TRIM26: variants seen among roughly 807,000 people sequenced by gnomAD.
TRIM26 encodes the protein tripartite motif-containing protein 26.
A neutral mutation model predicts 45.5 loss-of-function variants in TRIM26; 16 were observed. The ratio of observed to expected loss-of-function variants is 0.35; its 90% confidence interval spans 0.24 to 0.53. The LOEUF (loss-of-function observed/expected upper bound fraction) is 0.53, where lower values mean the gene tolerates loss of function less well. TRIM26 is among the 20% of genes least tolerant of loss of function. The pLI, the probability that TRIM26 is intolerant of heterozygous loss-of-function variation, is 0.92. For synonymous variants in TRIM26, 273 were observed against 290.4 expected (o/e 0.94, Z 0.61); for missense variants, 442 against 691.1 (o/e 0.64, Z 4.04).
At chr6:30,193,501 T>C (rs1179666371) in intron 6 of TRIM26, among the ~76,000 whole-genome samples, 1 of 151,870 alleles carries the variant, frequency 6.6e-6, no homozygotes, top group Non-Finnish European at 1.5e-5. Context: ...TGAAGTAAGA[T>C]AGTGTGAGGC....
Position 30,189,129 on chromosome 6 carries a change from T to A in TRIM26, c.937+38A>T, listed in dbSNP as rs1032268510. 6.3e-7 allele frequency: 1 copy of A among 1,599,002 alleles called. No homozygotes were observed. The highest frequency in any genetic ancestry group is 1.4e-5 in the African/African-American group (1 of 73,958). On this transcript the variant is annotated intron_variant, in intron 9 of 9. Coordinates refer to ENST00000454678, the MANE Select transcript of TRIM26 (RefSeq NM_003449.5). This position sits in a 1 kb window ranked among gnomAD's most constrained non-coding sequence, Gnocchi z 5.0. ...ATCTCTGCAGGCGGAGTTTTCTATATTTGATGTACATCTGGGAAACACCCT... is the reference window on the plus strand; with the variant it reads ...ATCTCTGCAGGCGGAGTTTTCTATAATTGATGTACATCTGGGAAACACCCT...
At position 30,199,249 on chromosome 6, in the gene TRIM26, C is replaced by A; in HGVS notation, c.-146G>T. On this transcript the variant is annotated 5_prime_UTR_variant, in exon 4 of 10. Transcript: ENST00000454678. ...CCAGCTCCAGCACTCAGTCAATCGA[C>A]AGACACCACCAGCTCCTACAAGGTT... The A allele has an allele frequency of 1.6e-6, 1 of 640,754 alleles. No homozygotes were observed. Among genetic ancestry groups the A allele is most frequent in the Non-Finnish European group, 2.6e-6 (1 of 387,968 alleles). 39.7% of individuals were successfully genotyped at this position (640,754 alleles called of 1,614,324 possible).
Position 30,198,703 on chromosome 6 carries a change from G to A in TRIM26, c.401C>T (p.Thr134Met), listed in dbSNP as rs754923872. The change falls in exon 4 of 10, where the codon ACG (threonine) becomes ATG (methionine). Residue 134 changes from threonine (T) to methionine (M), a missense_variant. Physicochemically the swap from Thr to Met is moderately conservative, Grantham distance 81. Transcript: ENST00000454678. This position sits in a 1 kb window ranked among gnomAD's most constrained non-coding sequence, Gnocchi z 6.3. ...GGCGGCCTTCTCCATGAGGACGGCC[G>A]TGTGGGGCCTGTGCTCCCGGGACTC... ...CRESREHRPH[T>M]AVLMEKAAQP... The A allele has an allele frequency of 2.3e-5, 37 of 1,605,100 alleles. No homozygotes were observed. Among genetic ancestry groups the A allele is most frequent in the South Asian group, 1.2e-4 (11 of 91,056 alleles).
intron 1 of TRIM26, among the ~76,000 whole-genome samples, chr6:30,206,148 G>C (rs1324439744): frequency 2.0e-5 from 3 of 152,178 alleles, no homozygotes; most frequent in Non-Finnish European, 4.4e-5. Flanking sequence ...ACTCTCCATG[G>C]GGTAAACTTC....
chr6:30,189,327 T>C lies in TRIM26; in HGVS notation c.904+91A>G, dbSNP rs1018664022. ...CAAGAGGCCCTCAGAAGAGTGAGGA[T>C]CGACAAGGTGATGGAAAGGAGCTGG... On this transcript the variant is annotated intron_variant, in intron 8 of 9. Transcript: ENST00000454678. The surrounding 1 kb of genome is among the most constrained non-coding windows in gnomAD (Gnocchi z 5.0). The C allele has an allele frequency of 6.4e-7, 1 of 1,568,034 alleles. No homozygotes were observed. The highest frequency in any genetic ancestry group is 8.8e-7 in the Non-Finnish European group (1 of 1,139,482).
chr6:30,186,208 C>T lies in TRIM26; in HGVS notation c.1288G>A (p.Glu430Lys). 6.3e-7 allele frequency: 1 copy of T among 1,596,460 alleles called. No homozygotes were observed. Among genetic ancestry groups the T allele is most frequent in the Non-Finnish European group, 8.5e-7 (1 of 1,171,048 alleles). Reference protein sequence around the residue: ...GDEEEEEEEEEEEVLESCMVG... With the variant: ...GDEEEEEEEEKEEVLESCMVG... ...ATGCAGCTTTCCAGAACTTCCTCCT[C>T]TTCCTCCTCCTCTTCTTCCTCTTCA... Residue 430 changes from glutamate (E) to lysine (K), a missense_variant, in exon 10 of 10, where the codon GAG (glutamate) becomes AAG (lysine). Coordinates refer to ENST00000454678, the MANE Select transcript of TRIM26 (RefSeq NM_003449.5). This position sits in a 1 kb window ranked among gnomAD's most constrained non-coding sequence, Gnocchi z 7.4.
At chr6:30,197,440 C>A (rs1380965373) in intron 5 of TRIM26, among the ~76,000 whole-genome samples, 1 of 152,176 alleles carries the variant, frequency 6.6e-6, no homozygotes, top group Non-Finnish European at 1.5e-5. Context: ...TAATGACTCA[C>A]CACTGGCCCT....
intron 3 of TRIM26, among the ~76,000 whole-genome samples, chr6:30,199,972 T>C (rs1464218299): frequency 6.6e-6 from 1 of 151,924 alleles, no homozygotes; most frequent in Non-Finnish European, 1.5e-5. Flanking sequence ...AGGTTTCAGG[T>C]TTCAAGAACT....
rs1234646269 is a variant in TRIM26, at chr6:30,189,758, C to G, written c.789-225G>C. On this transcript the variant is annotated intron_variant, in intron 7 of 9. Transcript: ENST00000454678. The surrounding 1 kb of genome is among the most constrained non-coding windows in gnomAD (Gnocchi z 5.0). ...TCTGTCTACTAAGCCATGTTTCTAA[C>G]CTCTCTGCTCTGTCCCACCTCAAAT... The G allele has an allele frequency of 6.3e-6, 4 of 632,110 alleles. No individual in the cohort carries two copies. Among genetic ancestry groups the G allele is most frequent in the African/African-American group, 1.8e-5 (1 of 54,432 alleles). 39.2% of individuals were successfully genotyped at this position (632,110 alleles called of 1,614,324 possible).
chr6:30,210,876 T>A (rs1778221270), intron 1 of TRIM26, among the ~76,000 whole-genome samples: 1 of 152,240 alleles, frequency 6.6e-6, no homozygotes, highest in African/African-American at 2.4e-5. Flanking sequence ...CTAAAACTTA[T>A]GAATTGTTTA....
chr6:30,205,289 T>C (rs935712658), intron 1 of TRIM26, among the ~76,000 whole-genome samples: 3 of 152,064 alleles, frequency 2.0e-5, no homozygotes, highest in African/African-American at 7.2e-5. Flanking sequence ...TGCAATTCTA[T>C]AGAACCAGGA....
chr6:30,196,804 G>A lies in TRIM26; in HGVS notation c.535-58C>T, dbSNP rs1776525207. 26 of 1,564,996 alleles carry A rather than the reference G, an allele frequency of 1.7e-5. No homozygotes were observed. The highest frequency in any genetic ancestry group is 2.3e-5 in the East Asian group (1 of 44,298). On this transcript the variant is annotated intron_variant, in intron 5 of 9. Transcript: ENST00000454678. This position sits in a 1 kb window ranked among gnomAD's most constrained non-coding sequence, Gnocchi z 4.9. ...ACCTCTGCTCAGGGTGGAGGGCCCA[G>A]TGCTGGAGGTGTGCAAGGCTGGCTC...
At position 30,199,162 on chromosome 6, in the gene TRIM26, C is replaced by T. The variant is rs1044288611; in HGVS notation, c.-59G>A. On this transcript the variant is annotated 5_prime_UTR_variant, in exon 4 of 10. Coordinates refer to ENST00000454678, the MANE Select transcript of TRIM26 (RefSeq NM_003449.5). ...GGTGAGGACTTCTTCTCCTTGGAGACGCGACATAGAGTCAGGAGCAAGCAC... is the reference window on the plus strand; with the variant it reads ...GGTGAGGACTTCTTCTCCTTGGAGATGCGACATAGAGTCAGGAGCAAGCAC... 39 of 1,492,518 alleles carry T rather than the reference C, an allele frequency of 2.6e-5. No homozygotes were observed. The highest frequency in any genetic ancestry group is 1.6e-4 in the Admixed American group (7 of 44,112). The allele number at this position is 1,492,518 out of a possible 1,614,324, so 92.5% of individuals were successfully genotyped here.
At chr6:30,212,450 A>G (rs1778379473) in intron 1 of TRIM26, among the ~76,000 whole-genome samples, 1 of 152,246 alleles carries the variant, frequency 6.6e-6, no homozygotes, top group Non-Finnish European at 1.5e-5. Flanking sequence ...CACTGAGGTA[A>G]GATGTTAATA....
intron 2 of TRIM26, among the ~76,000 whole-genome samples, chr6:30,202,079 T>C (rs1382150406): frequency 1.3e-5 from 2 of 152,206 alleles, no homozygotes; most frequent in South Asian, 2.1e-4. Context: ...TGTTGAAGGA[T>C]AGCCTGTGTT....
chr6:30,205,004 G>A (rs1467947591), intron 1 of TRIM26, among the ~76,000 whole-genome samples: 1 of 152,132 alleles, frequency 6.6e-6, no homozygotes, highest in Non-Finnish European at 1.5e-5. Context: ...CACTCTGGGA[G>A]GCAGAGGCGG....
Position 30,189,403 on chromosome 6 carries a change from C to T in TRIM26, c.904+15G>A, listed in dbSNP as rs1458168407. On this transcript the variant is annotated intron_variant, in intron 8 of 9. Coordinates refer to ENST00000454678, the MANE Select transcript of TRIM26 (RefSeq NM_003449.5). The surrounding 1 kb of genome is among the most constrained non-coding windows in gnomAD (Gnocchi z 5.0). ...TGCTCTGACTCCCACCCTTTGTGCG[C>T]TCCCCAACCCTTACCCTGGAATTCC... The T allele has an allele frequency of 2.5e-6, 4 of 1,612,102 alleles. No homozygotes were observed. The highest frequency in any genetic ancestry group is 3.4e-6 in the Non-Finnish European group (4 of 1,179,212).
Position 30,184,525 on chromosome 6 carries a change from G to C in TRIM26, c.*1351C>G, listed in dbSNP as rs933960545. 2 of 152,408 alleles carry C rather than the reference G, an allele frequency of 1.3e-5. No homozygotes were observed. The highest frequency in any genetic ancestry group is 4.8e-5 in the African/African-American group (2 of 41,456). 9.4% of individuals were successfully genotyped at this position (152,408 alleles called of 1,614,324 possible). ...TGCACTAGGTGCCATGAGAATACAA[G>C]AGTAGTATAAGATGTTATCCGCCCT... On this transcript the variant is annotated 3_prime_UTR_variant, in exon 10 of 10. Coordinates refer to ENST00000454678, the MANE Select transcript of TRIM26 (RefSeq NM_003449.5).
Position 30,198,289 on chromosome 6 carries a change from G to T in TRIM26, c.534+140C>A. 1.2e-6 allele frequency: 1 copy of T among 857,982 alleles called. No individual in the cohort carries two copies. The highest frequency in any genetic ancestry group is 1.8e-6 in the Non-Finnish European group (1 of 541,748). 53.1% of individuals were successfully genotyped at this position (857,982 alleles called of 1,614,324 possible). Reference sequence around the variant, plus strand: ...AGACAGCACTTGGGCTAAAACCCAGGTCTGCTACTGCCAGGCTGACACCCA... The same window carrying T: ...AGACAGCACTTGGGCTAAAACCCAGTTCTGCTACTGCCAGGCTGACACCCA... On this transcript the variant is annotated intron_variant, in intron 5 of 9. Transcript: ENST00000454678. The surrounding 1 kb of genome is among the most constrained non-coding windows in gnomAD (Gnocchi z 6.3).
Sources: gnomAD v4.1 joint callset for allele counts (sites outside exome capture counted in the v4.1 genomes callset) on GRCh38, gnomAD v4.1.1 for gene constraint, Gnocchi (gnomAD v3.1) non-coding constraint, MANE v1.5 for transcripts, NCBI Gene and HGNC (gene_info 2026-07-23, HGNC 2026-07-21) for gene names.